Variants in FGF12 observed in about 807,000 individuals in gnomAD.
FGF12 encodes the protein fibroblast growth factor 12.
In FGF12, 14 loss-of-function variants were observed where a neutral mutation model predicts 23.6. That is an observed-to-expected ratio of 0.59 (90% CI 0.39 to 0.93). The LOEUF (loss-of-function observed/expected upper bound fraction) is 0.93, where lower values mean the gene tolerates loss of function less well. Among genes scored for constraint, FGF12 ranks in the 40% least tolerant of loss-of-function variants. The pLI is 0.00. For synonymous variants in FGF12, 62 were observed against 77.3 expected, an observed-to-expected ratio of 0.80 and a Z score of 1.04; for missense variants, 175 against 217.8, an observed-to-expected ratio of 0.80 and a Z score of 1.24.
chr3:192,316,986 T>C (rs986157537), intron 4 of FGF12, among the ~76,000 whole-genome samples: 2 of 151,982 alleles, frequency 1.3e-5, no homozygotes, highest in Non-Finnish European at 2.9e-5. Context: ...AGACACACCC[T>C]GGGCCAGAAA....
At position 192,408,865 on chromosome 3, in the gene FGF12, C is replaced by T. The variant is rs1253365260; in HGVS notation, c.14-48327G>A. ...CCGCGGTTCTGAAGATTAGGAGGTC[C>T]GTCCCAGCAGGGTGAGGTCTACAGA... is the stretch of plus-strand genomic sequence containing the variant. On this transcript the variant is annotated intron_variant, in intron 2 of 5. Coordinates refer to ENST00000445105, the MANE Select transcript of FGF12 (RefSeq NM_004113.6). This position sits in a 1 kb window ranked among gnomAD's most constrained non-coding sequence, Gnocchi z 7.3. 1 of 985,448 alleles carries T rather than the reference C, an allele frequency of 1.0e-6. No homozygotes were observed. The highest frequency in any genetic ancestry group is 1.2e-6 in the Non-Finnish European group (1 of 829,996). The allele number at this position is 985,448 out of a possible 1,614,324, so 61.0% of individuals were successfully genotyped here.
At chr3:192,570,159 G>A (rs1386623820) in intron 2 of FGF12, among the ~76,000 whole-genome samples, 1 of 152,130 alleles carries the variant, frequency 6.6e-6, no homozygotes, top group Non-Finnish European at 1.5e-5. Flanking sequence ...GAAGACAGAG[G>A]TGCCATATAC....
chr3:192,466,413 T>C (rs879772468), intron 2 of FGF12, among the ~76,000 whole-genome samples: 57 of 152,100 alleles, frequency 3.7e-4, no homozygotes, highest in Middle Eastern at 3.4e-3. Flanking sequence ...AGAGACAAAA[T>C]TAAACATGTA....
rs543966289 is a variant in FGF12 at position 192,476,881 on chromosome 3, T to C, written c.14-116343A>G. Among the ~76,000 whole-genome samples the C allele has an allele frequency of 3.5e-4, 53 of 152,332 alleles. 1 individual carries two copies. Among genetic ancestry groups the C allele is most frequent in the African/African-American group, 1.2e-3 (51 of 41,580 alleles). Reference sequence around the variant, plus strand: ...GAGGAGTAACAAGATTGGAGCCATATACAAGCAAGTATCTGATAAATGCTT... The same window carrying C: ...GAGGAGTAACAAGATTGGAGCCATACACAAGCAAGTATCTGATAAATGCTT... On this transcript the variant is annotated intron_variant, in intron 2 of 5. Coordinates refer to ENST00000445105, the MANE Select transcript of FGF12 (RefSeq NM_004113.6).
intron 2 of FGF12, among the ~76,000 whole-genome samples, chr3:192,529,019 G>C (rs1725022819): frequency 6.6e-6 from 1 of 152,186 alleles, no homozygotes; most frequent in African/African-American, 2.4e-5. Context: ...TTGTCTTGGG[G>C]AACAGTATTC....
intron 3 of FGF12, among the ~76,000 whole-genome samples, chr3:192,341,131 G>T (rs139430684): frequency 6.6e-6 from 1 of 151,988 alleles, no homozygotes; most frequent in East Asian, 1.9e-4. Context: ...AAACAAATAA[G>T]CCAATTAAAA....
intron 2 of FGF12, among the ~76,000 whole-genome samples, chr3:192,366,735 C>A (rs1259997912): frequency 5.9e-5 from 9 of 151,888 alleles, no homozygotes; most frequent in Non-Finnish European, 1.3e-4. Context: ...TGAAGAATGG[C>A]TGAATTAACA....
At chr3:192,542,224 G>C (rs2108577839) in intron 2 of FGF12, among the ~76,000 whole-genome samples, 1 of 151,970 alleles carries the variant, frequency 6.6e-6, no homozygotes, top group Admixed American at 6.5e-5. Flanking sequence ...TTTCCAAATA[G>C]CCTGCCTTCA....
intron 2 of FGF12, among the ~76,000 whole-genome samples, chr3:192,629,349 T>C (rs1382020254): frequency 1.3e-5 from 2 of 152,234 alleles, no homozygotes. Flanking sequence ...ATCACCACCA[T>C]GACTGATCCT....
chr3:192,506,730 T>G (rs999962067), intron 2 of FGF12, among the ~76,000 whole-genome samples: 3 of 151,932 alleles, frequency 2.0e-5, no homozygotes, highest in Non-Finnish European at 4.4e-5. Flanking sequence ...TGGGATGGCT[T>G]TAGATTCTAT....
At chr3:192,243,887 A>G (rs1463944376) in intron 4 of FGF12, among the ~76,000 whole-genome samples, 1 of 152,124 alleles carries the variant, frequency 6.6e-6, no homozygotes, top group Admixed American at 6.5e-5. Context: ...GTGAAAGACC[A>G]AGATCCAAAT....
chr3:192,203,285 C>T (rs186903535), intron 4 of FGF12, among the ~76,000 whole-genome samples: 2 of 151,844 alleles, frequency 1.3e-5, no homozygotes, highest in Admixed American at 6.6e-5. Flanking sequence ...TGTTTTTTAC[C>T]TTGACCTAGC....
In FGF12 at chr3:192,653,720, C is replaced by CTTT. The variant is rs34906808; in HGVS notation, c.13+73458_13+73460dup. 4.0e-3 allele frequency among the ~76,000 whole-genome samples: 568 copies of CTTT among 140,858 alleles called. 27 individuals are homozygous for CTTT. The highest frequency in any genetic ancestry group is 8.3e-3 in the African/African-American group (315 of 38,058). The allele number at this position is 140,858 out of a possible 152,430, so 92.4% of individuals were successfully genotyped here. ...TTCAATATATATTCCTCATTTGAGG[C>CTTT]TTTTTTTTTTTTGAGACGGAATCAT... On this transcript the variant is annotated intron_variant, in intron 2 of 5. Transcript: ENST00000445105.
intron 2 of FGF12, among the ~76,000 whole-genome samples, chr3:192,526,064 G>C (rs535081293): frequency 2.0e-5 from 3 of 152,154 alleles, no homozygotes; most frequent in African/African-American, 7.2e-5. Context: ...GAGCCACCGC[G>C]CCTGGCCTGA....
chr3:192,266,101 T>TC (rs1713062888), intron 4 of FGF12, among the ~76,000 whole-genome samples: 1 of 150,550 alleles, frequency 6.6e-6, no homozygotes. Context: ...ATCGTACTGG[T>TC]CCTTCGAAGG....
At chr3:192,241,504 A>G (rs1343197221) in intron 4 of FGF12, among the ~76,000 whole-genome samples, 1 of 152,184 alleles carries the variant, frequency 6.6e-6, no homozygotes, top group Non-Finnish European at 1.5e-5. Context: ...TACTAATTCC[A>G]TCACTGATTA....
At chr3:192,670,666 A>C (rs1027720595) in intron 2 of FGF12, among the ~76,000 whole-genome samples, 4 of 152,208 alleles carry the variant, frequency 2.6e-5, no homozygotes, top group African/African-American at 9.6e-5. Context: ...TGTTGATTGC[A>C]AAGTACTTGG....
chr3:192,610,308 T>C (rs1258484033), intron 2 of FGF12, among the ~76,000 whole-genome samples: 2 of 152,050 alleles, frequency 1.3e-5, no homozygotes, highest in Non-Finnish European at 2.9e-5. Flanking sequence ...TTCCCTTTTA[T>C]TGTACATTGT....
intron 2 of FGF12, among the ~76,000 whole-genome samples, chr3:192,375,401 G>T: frequency 6.6e-6 from 1 of 151,896 alleles, no homozygotes; most frequent in Admixed American, 6.6e-5. Flanking sequence ...TTACAGTTCT[G>T]TCTCTATTAT....
Sources: gnomAD v4.1 joint callset for allele counts (sites outside exome capture counted in the v4.1 genomes callset) on GRCh38, gnomAD v4.1.1 for gene constraint, Gnocchi (gnomAD v3.1) non-coding constraint, MANE v1.5 for transcripts, NCBI Gene and HGNC (gene_info 2026-07-23, HGNC 2026-07-21) for gene names.